GLCCI1: variants seen among roughly 807,000 people sequenced by gnomAD.
GLCCI1 encodes glucocorticoid-induced transcript 1 protein.
Under a neutral mutation model 52.2 loss-of-function variants are expected in GLCCI1, and 24 were observed. That is an observed-to-expected ratio of 0.46 (90% CI 0.33 to 0.65). The LOEUF is 0.65. Among genes scored for constraint, GLCCI1 ranks in the 30% least tolerant of loss-of-function variants. The pLI is 0.02. For synonymous variants in GLCCI1, 310 were observed against 276.5 expected, an observed-to-expected ratio of 1.12 and a Z score of -1.20; for missense variants, 704 against 701.5, an observed-to-expected ratio of 1.00 and a Z score of -0.04.
chr7:8,074,703 C>T (rs1031306049), intron 6 of GLCCI1, among the ~76,000 whole-genome samples: 1 of 152,172 alleles, frequency 6.6e-6, no homozygotes, highest in African/African-American at 2.4e-5. Flanking sequence ...GATACTAATT[C>T]TTTCCTATAA....
chr7:8,028,272 A>G (rs1781664518), intron 3 of GLCCI1, among the ~76,000 whole-genome samples: 1 of 152,238 alleles, frequency 6.6e-6, no homozygotes, highest in Admixed American at 6.5e-5. Flanking sequence ...CTCTCTGACC[A>G]CAGTGGAATA....
intron 3 of GLCCI1, among the ~76,000 whole-genome samples, chr7:8,023,314 A>T (rs1303676722): frequency 6.6e-6 from 1 of 152,040 alleles, no homozygotes; most frequent in South Asian, 2.1e-4. Context: ...TAGCTTTTTA[A>T]TGATATCCAG....
At chr7:8,028,643 GACA>G (rs934890787) in intron 3 of GLCCI1, among the ~76,000 whole-genome samples, 6 of 151,768 alleles carry the variant, frequency 4.0e-5, no homozygotes, top group African/African-American at 1.2e-4. Flanking sequence ...TTGAAATGAA[GACA>G]ACACTACAAA....
intron 1 of GLCCI1, among the ~76,000 whole-genome samples, chr7:7,975,442 C>T (rs1030005686): frequency 6.6e-6 from 1 of 152,164 alleles, no homozygotes; most frequent in South Asian, 2.1e-4. Context: ...ATATACCAAG[C>T]AATGTATACT....
At chr7:8,017,865 C>A (rs1441572988) in intron 2 of GLCCI1, among the ~76,000 whole-genome samples, 1 of 152,136 alleles carries the variant, frequency 6.6e-6, no homozygotes, top group East Asian at 1.9e-4. Flanking sequence ...GAACCACAAT[C>A]TTTTGTGCTG....
In GLCCI1 at chr7:7,991,908, T is replaced by C. The variant is rs79215844; in HGVS notation, c.458-12000T>C. On this transcript the variant is annotated intron_variant, in intron 1 of 7. Coordinates refer to ENST00000223145, the MANE Select transcript of GLCCI1 (RefSeq NM_138426.4). ...CAAAAACCTATTGATGGTTTTAGTG[T>C]GAATCCTCCAATTTCAGTTACTTTC... Among the ~76,000 whole-genome samples, 1,083 of 152,186 alleles carry C rather than the reference T, an allele frequency of 7.1e-3. 29 individuals are homozygous for C. The East Asian group carries it at 0.085, about 12-fold the overall frequency.
intron 3 of GLCCI1, among the ~76,000 whole-genome samples, chr7:8,040,452 T>G (rs1313614233): frequency 6.6e-6 from 1 of 151,288 alleles, no homozygotes; most frequent in Admixed American, 6.6e-5. Flanking sequence ...ATCATGCCAC[T>G]GCACTCCAGC....
chr7:8,042,299 G>T lies in GLCCI1; in HGVS notation c.697-13134G>T, dbSNP rs80109293. On this transcript the variant is annotated intron_variant, in intron 3 of 7. Transcript: ENST00000223145. ...AGGTACCATAGATAATGATTCCTTT[G>T]ATGAATCTGGGCAGAGTAAATTGAA... 4.3e-3 allele frequency among the ~76,000 whole-genome samples: 662 copies of T among 152,294 alleles called. 6 individuals are homozygous for T. The highest frequency in any genetic ancestry group is 0.015 in the African/African-American group (619 of 41,554).
At chr7:8,054,222 A>G (rs1782333627) in intron 3 of GLCCI1, among the ~76,000 whole-genome samples, 2 of 152,130 alleles carry the variant, frequency 1.3e-5, no homozygotes, top group African/African-American at 4.8e-5. Flanking sequence ...CTTGAGTTAT[A>G]TTGATTACCT....
At chr7:7,998,260 A>T (rs1316180288) in intron 1 of GLCCI1, among the ~76,000 whole-genome samples, 1 of 150,726 alleles carries the variant, frequency 6.6e-6, no homozygotes, top group African/African-American at 2.4e-5. Flanking sequence ...CTTGTCACCC[A>T]GGCTGGAGTG....
chr7:8,083,197 G>A (rs954501775), intron 6 of GLCCI1, among the ~76,000 whole-genome samples: 2 of 152,158 alleles, frequency 1.3e-5, no homozygotes, highest in South Asian at 2.1e-4. Context: ...ATACACGTAT[G>A]TAGTGTGAAA....
chr7:8,052,455 A>G (rs1193568475), intron 3 of GLCCI1, among the ~76,000 whole-genome samples: 3 of 152,224 alleles, frequency 2.0e-5, no homozygotes, highest in African/African-American at 7.2e-5. Flanking sequence ...AAGTTTAGTT[A>G]TCAGTTAGAT....
intron 2 of GLCCI1, among the ~76,000 whole-genome samples, chr7:8,008,869 G>A (rs887912888): frequency 3.3e-5 from 5 of 152,060 alleles, no homozygotes; most frequent in Non-Finnish European, 7.4e-5. Flanking sequence ...GAGAAGCTCA[G>A]TATTGGCTTT....
intron 3 of GLCCI1, among the ~76,000 whole-genome samples, chr7:8,048,220 T>C (rs955210406): frequency 6.6e-6 from 1 of 152,206 alleles, no homozygotes; most frequent in Non-Finnish European, 1.5e-5. Context: ...ATCTCTTACC[T>C]ACAGTTATTT....
intron 3 of GLCCI1, among the ~76,000 whole-genome samples, chr7:8,033,847 T>C (rs903265379): frequency 6.6e-6 from 1 of 152,184 alleles, no homozygotes. Context: ...ATGCAATTTC[T>C]ATGAAAATAC....
chr7:8,005,597 A>G (rs573834850), intron 2 of GLCCI1, among the ~76,000 whole-genome samples: 30 of 152,324 alleles, frequency 2.0e-4, no homozygotes, highest in African/African-American at 7.2e-4. Context: ...TCTGTTAACC[A>G]ATATAAGCTC....
chr7:7,973,795 A>G (rs1780404814), intron 1 of GLCCI1, among the ~76,000 whole-genome samples: 2 of 152,220 alleles, frequency 1.3e-5, no homozygotes, highest in South Asian at 2.1e-4. Context: ...AACTCCATGT[A>G]ATATATGTTT....
rs773801128 is a variant in GLCCI1, at chr7:8,001,452, A to G, written c.458-2456A>G. 3.6e-4 allele frequency among the ~76,000 whole-genome samples: 55 copies of G among 152,304 alleles called. 1 individual carries two copies. Among genetic ancestry groups the G allele is most frequent in the South Asian group, 1.2e-3 (6 of 4,830 alleles). On this transcript the variant is annotated intron_variant, in intron 1 of 7. Coordinates refer to ENST00000223145, the MANE Select transcript of GLCCI1 (RefSeq NM_138426.4). ...ATGGCAATCATTAAAAAGTCAGAAA[A>G]CAACAGATGCTGGAGAGGATGTGGA...
At chr7:8,058,814 A>C (rs530055303) in intron 4 of GLCCI1, among the ~76,000 whole-genome samples, 2 of 152,324 alleles carry the variant, frequency 1.3e-5, no homozygotes, top group Admixed American at 6.5e-5. Flanking sequence ...TTGGGTTCCC[A>C]AAAACTTAAC....
Sources: gnomAD v4.1 joint callset for allele counts (sites outside exome capture counted in the v4.1 genomes callset) on GRCh38, gnomAD v4.1.1 for gene constraint, MANE v1.5 for transcripts, NCBI Gene and HGNC (gene_info 2026-07-23, HGNC 2026-07-21) for gene names.